Variants in SIX2 observed in about 807,000 individuals in gnomAD.
SIX2 encodes SIX homeobox 2.
SIX2 carries 20 observed loss-of-function variants against 22.8 expected under a neutral mutation model. The ratio of observed to expected loss-of-function variants is 0.88; its 90% CI spans 0.62 to 1.28. The LOEUF is 1.28. Among genes scored for constraint, SIX2 ranks in the 50% most tolerant of loss-of-function variants. SIX2 has a pLI of 0.00. For synonymous variants in SIX2, 195 were observed against 186.4 expected (o/e 1.05, Z -0.37); for missense variants, 360 against 400.0 (o/e 0.90, Z 0.85).
chr2:45,008,813 C>T lies in SIX2; in HGVS notation c.298G>A (p.Gly100Ser). ...TTGCCCACGGCGCCCAGGGGTCGGC[C>T]GCGCAGCTTCTCCGCCTCGATGTAG... ...AHYIEAEKLR[G>S]RPLGAVGKYR... The change falls in exon 1 of 2, where the codon GGC becomes AGC. Residue 100 changes from glycine (G) to serine (S), a missense_variant. Physicochemically the swap from Gly to Ser is moderately conservative, Grantham distance 56. Around this residue, in one of 3 missense-constraint regions of SIX2, gnomAD observed 118 missense variants for 135.1 expected, o/e 0.87. Transcript: ENST00000303077. 3 of 1,613,898 alleles carry T rather than the reference C, an allele frequency of 1.9e-6. No homozygotes were observed. Among genetic ancestry groups the T allele is most frequent in the Non-Finnish European group, 2.5e-6 (3 of 1,179,964 alleles).
Position 45,006,383 on chromosome 2 carries a change from C to T in SIX2, c.663G>A (p.Thr221=), listed in dbSNP as rs899341905. 5 of 1,614,192 alleles carry T rather than the reference C, an allele frequency of 3.1e-6. No homozygotes were observed. Among genetic ancestry groups the T allele is most frequent in the African/African-American group, 2.7e-5 (2 of 75,062 alleles). ...SSEDEKTPSG[T]PDHSSSSPAL... ...CGGGGCTGGATGATGAGTGGTCTGG[C>T]GTCCCCGATGGAGTCTTCTCATCCT... is the stretch of plus-strand genomic sequence containing the variant. The change falls in exon 2 of 2, where the codon ACG becomes ACA. Residue 221 remains threonine, a synonymous_variant. Transcript: ENST00000303077. This position sits in a 1 kb window ranked among gnomAD's most constrained non-coding sequence, Gnocchi z 4.2.
rs1667777268 is a variant in SIX2 at position 45,006,964 on chromosome 2, C to T, written c.561-479G>A. Among the ~76,000 whole-genome samples, 1 of 152,154 alleles carries T rather than the reference C, an allele frequency of 6.6e-6. No individual in the cohort carries two copies. Among genetic ancestry groups the T allele is most frequent in the South Asian group, 2.1e-4 (1 of 4,822 alleles). On this transcript the variant is annotated intron_variant, in intron 1 of 1. Coordinates refer to ENST00000303077, the MANE Select transcript of SIX2 (RefSeq NM_016932.5). This position sits in a 1 kb window ranked among gnomAD's most constrained non-coding sequence, Gnocchi z 4.2. ...GATCCCAGGTCAAGGGATTTAGGGC[C>T]TCTCACAAGACTTCATTTCCCTTTG...
intron 1 of SIX2, among the ~76,000 whole-genome samples, chr2:45,007,946 C>T (rs1282245997): frequency 6.6e-6 from 1 of 152,276 alleles, no homozygotes; most frequent in African/African-American, 2.4e-5. Flanking sequence ...ACAGGGCATG[C>T]GTCTCTTCTC....
chr2:45,009,418 T>G lies in SIX2; in HGVS notation c.-308A>C. 1 of 161,274 alleles carries G rather than the reference T, an allele frequency of 6.2e-6. No individual in the cohort carries two copies. 10.0% of individuals were successfully genotyped at this position (161,274 alleles called of 1,614,324 possible). On this transcript the variant is annotated 5_prime_UTR_variant, in exon 1 of 2. Coordinates refer to ENST00000303077, the MANE Select transcript of SIX2 (RefSeq NM_016932.5). Reference sequence around the variant, plus strand: ...CGTTCCCTCGCTCGCTTCTCACTCGTTCTCCCTCCCGTCTAGCTGGCTCTC... The same window carrying G: ...CGTTCCCTCGCTCGCTTCTCACTCGGTCTCCCTCCCGTCTAGCTGGCTCTC...
At chr2:45,008,513 C>T (rs372964838) in intron 1 of SIX2, 38 bp downstream of exon 1, 32 of 1,603,554 alleles carry the variant, frequency 2.0e-5, no homozygotes, top group Non-Finnish European at 2.6e-5. Context: ...CCTTGGGCCC[C>T]GGGGAGCTGG....
In SIX2 at chr2:45,005,763, A is replaced by C. The variant is rs376367697; in HGVS notation, c.*407T>G. On this transcript the variant is annotated 3_prime_UTR_variant, in exon 2 of 2. Coordinates refer to ENST00000303077, the MANE Select transcript of SIX2 (RefSeq NM_016932.5). ...GAGAGAATGAACGGTGGCAAGCTAG[A>C]AATCTAGAAGGAAAGCAATACAAGG... The C allele has an allele frequency of 3.2e-4, 106 of 326,296 alleles. No homozygotes were observed. Among genetic ancestry groups the C allele is most frequent in the African/African-American group, 2.2e-3 (101 of 46,882 alleles). 20.2% of individuals were successfully genotyped at this position (326,296 alleles called of 1,614,324 possible).
chr2:45,005,913 G>A lies in SIX2; in HGVS notation c.*257C>T, dbSNP rs1446172892. On this transcript the variant is annotated 3_prime_UTR_variant, in exon 2 of 2. Coordinates refer to ENST00000303077, the MANE Select transcript of SIX2 (RefSeq NM_016932.5). Reference sequence around the variant, plus strand: ...CAGAGGGAGAGAGAGAATGACAGTGGTGTATAATTTATTCCCTTCTGTGGT... The same window carrying A: ...CAGAGGGAGAGAGAGAATGACAGTGATGTATAATTTATTCCCTTCTGTGGT... 8.4e-6 allele frequency: 5 copies of A among 597,272 alleles called. No homozygotes were observed. Among genetic ancestry groups the A allele is most frequent in the African/African-American group, 7.4e-5 (4 of 53,854 alleles). The allele number at this position is 597,272 out of a possible 1,614,324, so 37.0% of individuals were successfully genotyped here.
chr2:45,007,114 C>A (rs1667781196), intron 1 of SIX2, among the ~76,000 whole-genome samples: 1 of 152,220 alleles, frequency 6.6e-6, no homozygotes, highest in Admixed American at 6.5e-5. Flanking sequence ...AGACAAGGGT[C>A]CAAGGATGGA....
chr2:45,006,354 A>G lies in SIX2; in HGVS notation c.692T>C (p.Leu231Pro), dbSNP rs747619226. ...TPDHSSSSPA[L>P]LLSPPPPGLP... ...CCCAGGGGGCGGCGGGCTGAGGAGC[A>G]GTGCGGGGCTGGATGATGAGTGGTC... is the stretch of plus-strand genomic sequence containing the variant. The change falls in exon 2 of 2, where the codon CTG (leucine) becomes CCG (proline). Residue 231 changes from leucine to proline, a missense_variant. Physicochemically the swap from Leu to Pro is moderately conservative, Grantham distance 98. Around this residue, in one of 3 missense-constraint regions of SIX2, gnomAD observed 235 missense variants for 231.9 expected, o/e 1.01. Coordinates refer to ENST00000303077, the MANE Select transcript of SIX2 (RefSeq NM_016932.5). The surrounding 1 kb of genome is among the most constrained non-coding windows in gnomAD (Gnocchi z 4.2). The G allele has an allele frequency of 1.2e-6, 2 of 1,614,102 alleles. No individual in the cohort carries two copies. Among genetic ancestry groups the G allele is most frequent in the Non-Finnish European group, 1.7e-6 (2 of 1,179,964 alleles).
At chr2:45,008,135 TG>T (rs1336952162) in intron 1 of SIX2, among the ~76,000 whole-genome samples, 1 of 152,150 alleles carries the variant, frequency 6.6e-6, no homozygotes, top group African/African-American at 2.4e-5. Context: ...GAGCTAAGGC[TG>T]GGGGGAAATG....
rs775827253 is a variant in SIX2 at position 45,008,606 on chromosome 2, T to G, written c.505A>C (p.Ser169Arg). The G allele has an allele frequency of 6.2e-7, 1 of 1,614,048 alleles. No homozygotes were observed. The highest frequency in any genetic ancestry group is 8.5e-7 in the Non-Finnish European group (1 of 1,179,966). ...TGCCGCCGGTTCTTGAACCAGTTGCTGACCTGTGTGGTGGTGAGGCCCGTG... is the reference window on the plus strand; with the variant it reads ...TGCCGCCGGTTCTTGAACCAGTTGCGGACCTGTGTGGTGGTGAGGCCCGTG... ...EATGLTTTQV[S>R]NWFKNRRQRD... The change falls in exon 1 of 2, where the codon AGC (serine) becomes CGC (arginine). Residue 169 changes from serine to arginine, a missense_variant. By Grantham distance (110) the Ser-to-Arg change is moderately radical (BLOSUM62 -1). This residue lies in a region of SIX2 where 235 missense variants were observed against 231.9 expected (regional missense o/e 1.01). Coordinates refer to ENST00000303077, the MANE Select transcript of SIX2 (RefSeq NM_016932.5).
Position 45,009,152 on chromosome 2 carries a change from G to A in SIX2, c.-42C>T. On this transcript the variant is annotated 5_prime_UTR_variant, in exon 1 of 2. Transcript: ENST00000303077. Reference sequence around the variant, plus strand: ...CCGCCCGCCCGCGCGCGCCCTCACCGGGCCGCGCGGTCCCGCATGGGAGCT... The same window carrying A: ...CCGCCCGCCCGCGCGCGCCCTCACCAGGCCGCGCGGTCCCGCATGGGAGCT... 6.7e-7 allele frequency: 1 copy of A among 1,484,310 alleles called. No individual in the cohort carries two copies. The allele number at this position is 1,484,310 out of a possible 1,614,324, so 91.9% of individuals were successfully genotyped here.
chr2:45,008,475 G>T (rs1041992932), intron 1 of SIX2, 76 bp downstream of exon 1: 6 of 1,509,140 alleles, frequency 4.0e-6, no homozygotes, highest in Non-Finnish European at 4.6e-6. Context: ...CCTCTCCGGG[G>T]GACCGGCAGA....
chr2:45,008,601 G>GT lies in SIX2; in HGVS notation c.509dup (p.Asn170LysfsTer27). The GT allele has an allele frequency of 6.2e-7, 1 of 1,614,048 alleles. No individual in the cohort carries two copies. The highest frequency in any genetic ancestry group is 8.5e-7 in the Non-Finnish European group (1 of 1,179,972). ...CGCGCTGCCGCCGGTTCTTGAACCA[G>GT]TTGCTGACCTGTGTGGTGGTGAGGC... On this transcript the variant is annotated frameshift_variant, in exon 1 of 2. Coordinates refer to ENST00000303077, the MANE Select transcript of SIX2 (RefSeq NM_016932.5). LOFTEE classifies it high-confidence loss of function.
rs879690250 is a variant in SIX2 at position 45,006,662 on chromosome 2, C to T, written c.561-177G>A. Among the ~76,000 whole-genome samples the T allele has an allele frequency of 1.1e-4, 17 of 152,136 alleles. No homozygotes were observed. The highest frequency in any genetic ancestry group is 2.9e-4 in the African/African-American group (12 of 41,418). ...CCTGGTCTGGGTTCTCCTTTCTGCCCGTTCTCTCCATCTCTCAACACCCAA... is the reference window on the plus strand; with the variant it reads ...CCTGGTCTGGGTTCTCCTTTCTGCCTGTTCTCTCCATCTCTCAACACCCAA... On this transcript the variant is annotated intron_variant, in intron 1 of 1. Transcript: ENST00000303077. The surrounding 1 kb of genome is among the most constrained non-coding windows in gnomAD (Gnocchi z 4.2).
intron 1 of SIX2, among the ~76,000 whole-genome samples, chr2:45,008,006 G>T (rs893282535): frequency 6.6e-6 from 1 of 152,204 alleles, no homozygotes; most frequent in East Asian, 1.9e-4. Context: ...TTTCTAAGGA[G>T]ATAAAGGACC....
In SIX2 at chr2:45,006,544, AT is replaced by A; in HGVS notation, c.561-60del. On this transcript the variant is annotated intron_variant, in intron 1 of 1. Transcript: ENST00000303077. This position sits in a 1 kb window ranked among gnomAD's most constrained non-coding sequence, Gnocchi z 4.2. ...AGGGACATCGAGACCACCCAGCGCC[AT>A]CTCAGTCACAGTCAGAGCCAGCCAC... 6.5e-7 allele frequency: 1 copy of A among 1,527,274 alleles called. No individual in the cohort carries two copies. The highest frequency in any genetic ancestry group is 1.1e-5 in the South Asian group (1 of 89,156). 94.6% of individuals were successfully genotyped at this position (1,527,274 alleles called of 1,614,324 possible).
rs1021095615 is a variant in SIX2, at chr2:45,005,216, C to A, written c.*954G>T. The A allele has an allele frequency of 5.3e-5, 8 of 152,370 alleles. No homozygotes were observed. The highest frequency in any genetic ancestry group is 1.9e-4 in the African/African-American group (8 of 41,436). 9.4% of individuals were successfully genotyped at this position (152,370 alleles called of 1,614,324 possible). ...ATAACCATTTATATATTTATGATTT[C>A]TAATTTTATTATAAAATAAAAGCAG... On this transcript the variant is annotated 3_prime_UTR_variant, in exon 2 of 2. Coordinates refer to ENST00000303077, the MANE Select transcript of SIX2 (RefSeq NM_016932.5).
Position 45,005,403 on chromosome 2 carries a change from G to A in SIX2, c.*767C>T, listed in dbSNP as rs1361185618. Reference sequence around the variant, plus strand: ...GAGAGAAGGAGGAGGGGCGTATGACGAGGCGGCGTTTAGGGGCTTCTGTGG... The same window carrying A: ...GAGAGAAGGAGGAGGGGCGTATGACAAGGCGGCGTTTAGGGGCTTCTGTGG... On this transcript the variant is annotated 3_prime_UTR_variant, in exon 2 of 2. Transcript: ENST00000303077. 1.3e-5 allele frequency: 2 copies of A among 151,842 alleles called. No individual in the cohort carries two copies. The highest frequency in any genetic ancestry group is 6.5e-5 in the Admixed American group (1 of 15,274). 9.4% of individuals were successfully genotyped at this position (151,842 alleles called of 1,614,324 possible). A position where few individuals can be genotyped will look rare whatever the true frequency, so the allele number is the denominator to read the frequency against.
Sources: allele counts gnomAD v4.1 joint callset (sites outside exome capture counted in the v4.1 genomes callset), GRCh38; gene constraint gnomAD v4.1.1; regional missense constraint gnomAD v4.1.1; non-coding constraint Gnocchi (gnomAD v3.1); transcripts MANE v1.5; gene names NCBI Gene and HGNC (gene_info 2026-07-23, HGNC 2026-07-21).